STON2: variants seen among roughly 807,000 people sequenced by gnomAD.
STON2 encodes stonin 2.
STON2 carries 29 observed loss-of-function variants against 65.7 expected under a neutral mutation model. The observed-to-expected ratio is 0.44, with a 90% CI of 0.33 to 0.60. STON2 has a LOEUF of 0.60. Among genes scored for constraint, STON2 ranks in the 20% least tolerant of loss-of-function variants. STON2 has a pLI of 0.03. For synonymous variants in STON2, 404 were observed against 414.2 expected, an observed-to-expected ratio of 0.98 and a Z score of 0.30; for missense variants, 1,054 against 1,118.1, an observed-to-expected ratio of 0.94 and a Z score of 0.82.
Position 81,261,878 on chromosome 14 carries a change from G to T in STON2, c.*6536C>A, listed in dbSNP as rs1328828940. On this transcript the variant is annotated 3_prime_UTR_variant, in exon 8 of 8. Transcript: ENST00000614646. Reference sequence around the variant, plus strand: ...TCTTTGATCCTCTTTTTAAATCTGTGTGTGGAAGGCAACTGCAATATAGAG... The same window carrying T: ...TCTTTGATCCTCTTTTTAAATCTGTTTGTGGAAGGCAACTGCAATATAGAG... 8 of 1,532,120 alleles carry T rather than the reference G, an allele frequency of 5.2e-6. No individual in the cohort carries two copies. The highest frequency in any genetic ancestry group is 6.1e-6 in the Non-Finnish European group (7 of 1,146,068). 94.9% of individuals were successfully genotyped at this position (1,532,120 alleles called of 1,614,324 possible). A position where few individuals can be genotyped will look rare whatever the true frequency, so the allele number is the denominator to read the frequency against.
In STON2 at chr14:81,278,153, T is replaced by C; in HGVS notation, c.1329A>G (p.Lys443=). The part of the protein sequence containing the change: ...QSHSDAVEKL[K]QLQIDDPDHF... The stretch of plus-strand genomic sequence containing the variant: ...GATCAGGGTCATCAATTTGGAGTTG[T>C]TTGAGTTTTTCAACAGCATCAGAGT... The change falls in exon 6 of 8, where the codon AAA becomes AAG. Residue 443 remains lysine (K), a synonymous_variant. Coordinates refer to ENST00000614646, the MANE Select transcript of STON2 (RefSeq NM_001394390.1). The C allele has an allele frequency of 6.2e-7, 1 of 1,614,160 alleles. No homozygotes were observed. The highest frequency in any genetic ancestry group is 2.2e-5 in the East Asian group (1 of 44,882).
At chr14:81,314,909 G>A (rs1321203112) in intron 5 of STON2, among the ~76,000 whole-genome samples, 1 of 151,922 alleles carries the variant, frequency 6.6e-6, no homozygotes, top group African/African-American at 2.4e-5. Context: ...GGAGTGAAGT[G>A]GCATGGCTCA....
chr14:81,299,976 T>C (rs915929320), intron 5 of STON2, among the ~76,000 whole-genome samples: 1 of 151,976 alleles, frequency 6.6e-6, no homozygotes, highest in Non-Finnish European at 1.5e-5. Flanking sequence ...TTGGTCAATT[T>C]CTATCAAAGC....
intron 4 of STON2, among the ~76,000 whole-genome samples, chr14:81,340,047 G>C (rs1407930351): frequency 4.6e-5 from 7 of 152,122 alleles, no homozygotes; most frequent in Admixed American, 4.6e-4. Context: ...CTAGCTACTC[G>C]GGAGGCTGAG....
intron 5 of STON2, among the ~76,000 whole-genome samples, chr14:81,320,891 A>G (rs1451419044): frequency 6.6e-6 from 1 of 152,208 alleles, no homozygotes; most frequent in East Asian, 1.9e-4. Flanking sequence ...ACAGGAAAAG[A>G]TAACACACAA....
chr14:81,389,999 G>C lies in STON2; in HGVS notation c.373+5895C>G, dbSNP rs534787276. Among the ~76,000 whole-genome samples, 10 of 152,150 alleles carry C rather than the reference G, an allele frequency of 6.6e-5. No individual in the cohort carries two copies. The East Asian group carries it at 1.9e-3, about 29-fold the overall frequency. ...AGGCCGAGGTGGGCCGATCATTTGA[G>C]GTCAGGAGTTTGTGACCAGCCTGGC... On this transcript the variant is annotated intron_variant, in intron 3 of 7. Coordinates refer to ENST00000614646, the MANE Select transcript of STON2 (RefSeq NM_001394390.1).
chr14:81,433,721 T>C (rs771150627), intron 1 of STON2, among the ~76,000 whole-genome samples: 1 of 152,204 alleles, frequency 6.6e-6, no homozygotes, highest in African/African-American at 2.4e-5. Flanking sequence ...AAGATCCACA[T>C]TGTCCCAGAG....
chr14:81,405,527 T>TG (rs1168450299), intron 2 of STON2, among the ~76,000 whole-genome samples: 7 of 150,414 alleles, frequency 4.7e-5, no homozygotes, highest in Non-Finnish European at 1.0e-4. Context: ...CTAAGGTTTT[T>TG]TTTTTTTTTT....
chr14:81,267,713 C>G lies in STON2; in HGVS notation c.*701G>C, dbSNP rs1218589758. The G allele has an allele frequency of 1.0e-6, 1 of 985,374 alleles. No homozygotes were observed. Among genetic ancestry groups the G allele is most frequent in the African/African-American group, 1.7e-5 (1 of 57,320 alleles). The allele number at this position is 985,374 out of a possible 1,614,324, so 61.0% of individuals were successfully genotyped here. A position where few individuals can be genotyped will look rare whatever the true frequency, so the allele number is the denominator to read the frequency against. On this transcript the variant is annotated 3_prime_UTR_variant, in exon 8 of 8. Coordinates refer to ENST00000614646, the MANE Select transcript of STON2 (RefSeq NM_001394390.1). ...AACACCCATTTTGCAGAATGTGGGT[C>G]CATTCACAAAATTAAAAAGTCTCCT...
chr14:81,285,999 T>C (rs1200576475), intron 5 of STON2, among the ~76,000 whole-genome samples: 1 of 151,844 alleles, frequency 6.6e-6, no homozygotes, highest in Non-Finnish European at 1.5e-5. Context: ...AATACAAAAA[T>C]TAGCTGGGCA....
At chr14:81,293,193 G>A (rs957369863) in intron 5 of STON2, among the ~76,000 whole-genome samples, 7 of 60,978 alleles carry the variant, frequency 1.1e-4, no homozygotes, top group Non-Finnish European at 2.5e-4. Context: ...TTTTTTTTTT[G>A]AGATGGAGTC....
At chr14:81,410,818 A>G (rs897733365) in intron 2 of STON2, among the ~76,000 whole-genome samples, 3 of 152,234 alleles carry the variant, frequency 2.0e-5, no homozygotes, top group African/African-American at 7.2e-5. Flanking sequence ...AATTTACTCC[A>G]GAGCTTAAAA....
At chr14:81,401,192 G>A (rs1351100785), upstream of STON2, among the ~76,000 whole-genome samples, 1 of 152,220 alleles carries the variant, frequency 6.6e-6, no homozygotes, top group Non-Finnish European at 1.5e-5. Context: ...GTAGAGTCAT[G>A]TGCTCAGCTA....
rs749683832 is a variant in STON2, at chr14:81,276,884, G to A, written c.2581+17C>T. The A allele has an allele frequency of 1.9e-6, 3 of 1,599,796 alleles. No homozygotes were observed. The highest frequency in any genetic ancestry group is 1.1e-5 in the South Asian group (1 of 89,440). On this transcript the variant is annotated intron_variant, in intron 6 of 7. Coordinates refer to ENST00000614646, the MANE Select transcript of STON2 (RefSeq NM_001394390.1). ...CAACTGTATGTTTGTTTTCACAGAA[G>A]AGGAACCACCACCCACCTGAGTTTT...
chr14:81,344,560 T>A (rs1002370295), intron 4 of STON2, among the ~76,000 whole-genome samples: 2 of 152,230 alleles, frequency 1.3e-5, no homozygotes, highest in Non-Finnish European at 2.9e-5. Context: ...TTTGCTTAGA[T>A]AGCTGGGCTT....
intron 1 of STON2, among the ~76,000 whole-genome samples, chr14:81,429,128 G>C (rs1358391659): frequency 6.6e-6 from 1 of 152,250 alleles, no homozygotes; most frequent in East Asian, 1.9e-4. Context: ...TGGGGTCACA[G>C]CTGAGAGCCC....
upstream of STON2, among the ~76,000 whole-genome samples, chr14:81,402,833 T>C (rs949195563): frequency 2.0e-5 from 3 of 152,194 alleles, no homozygotes; most frequent in Non-Finnish European, 4.4e-5. Context: ...CAGCCTATTA[T>C]GGTAGAGTTA....
chr14:81,310,898 G>A (rs1278413297), intron 5 of STON2, among the ~76,000 whole-genome samples: 1 of 152,066 alleles, frequency 6.6e-6, no homozygotes, highest in Non-Finnish European at 1.5e-5. Context: ...TAAATGCAAA[G>A]GCCTTTGACT....
At chr14:81,383,804 T>G (rs1308902466) in intron 3 of STON2, among the ~76,000 whole-genome samples, 1 of 152,146 alleles carries the variant, frequency 6.6e-6, no homozygotes, top group East Asian at 1.9e-4. Flanking sequence ...TTAACAGAAT[T>G]ACTGTTGAAA....
Sources: gnomAD v4.1 joint callset for allele counts (sites outside exome capture counted in the v4.1 genomes callset) on GRCh38, gnomAD v4.1.1 for gene constraint, MANE v1.5 for transcripts, NCBI Gene and HGNC (gene_info 2026-07-23, HGNC 2026-07-21) for gene names.